The following DACH1 variants were observed in gnomAD, a reference collection of about 807,000 sequenced individuals.
DACH1 encodes the protein dachshund family transcription factor 1, also known as dachshund homolog 1.
DACH1 carries 12 observed loss-of-function variants against 54.2 expected under a neutral mutation model. The ratio of observed to expected loss-of-function variants is 0.22; its 90% CI spans 0.14 to 0.36. DACH1 has a LOEUF of 0.36. Ranked by LOEUF, DACH1 falls within the 10% of genes least tolerant of loss-of-function variation. The pLI, the probability that DACH1 is intolerant of heterozygous loss-of-function variation, is 1.00. For missense variants in DACH1, 805 were observed against 929.8 expected (o/e 0.87, Z 1.75); for synonymous variants, 386 against 366.2 (o/e 1.05, Z -0.62).
chr13:71,633,775 T>C (rs573802242), intron 2 of DACH1, among the ~76,000 whole-genome samples: 1 of 152,208 alleles, frequency 6.6e-6, no homozygotes, highest in South Asian at 2.1e-4. Flanking sequence ...GGGTTCTCAA[T>C]TCTAATTATT....
chr13:71,592,511 AAAAAAAGAAAAG>A (rs1873800638), intron 3 of DACH1, among the ~76,000 whole-genome samples: 6 of 149,510 alleles, frequency 4.0e-5, no homozygotes, highest in Non-Finnish European at 7.5e-5. Context: ...AAAAAAAAAA[AAAAAAAGAAAAG>A]AAAAAAAGAA....
intron 2 of DACH1, among the ~76,000 whole-genome samples, chr13:71,650,413 G>C (rs1878587861): frequency 6.6e-6 from 1 of 152,046 alleles, no homozygotes; most frequent in South Asian, 2.1e-4. Context: ...TCCTTACACT[G>C]TTTACTCTCA....
chr13:71,763,808 A>G (rs564685293), intron 1 of DACH1, among the ~76,000 whole-genome samples: 1 of 152,350 alleles, frequency 6.6e-6, no homozygotes, highest in Non-Finnish European at 1.5e-5. Context: ...TCAGCAGAAA[A>G]CACTGGTCAA....
chr13:71,819,687 G>A (rs916941385), intron 1 of DACH1, among the ~76,000 whole-genome samples: 1 of 152,034 alleles, frequency 6.6e-6, no homozygotes, highest in Non-Finnish European at 1.5e-5. Flanking sequence ...AGGTGTAAAG[G>A]CTCTGTTTCA....
At chr13:71,862,328 GAC>G in intron 1 of DACH1, among the ~76,000 whole-genome samples, 1 of 151,962 alleles carries the variant, frequency 6.6e-6, no homozygotes, top group East Asian at 1.9e-4. Context: ...ACAGAGATTT[GAC>G]CATGTACATA....
At chr13:71,668,102 G>A (rs539486723) in intron 2 of DACH1, among the ~76,000 whole-genome samples, 104 of 151,986 alleles carry the variant, frequency 6.8e-4, no homozygotes, top group African/African-American at 2.4e-3. Context: ...ATAGGAAAAC[G>A]AATAGGTCCA....
At chr13:71,555,598 C>A (rs1369545098) in intron 6 of DACH1, among the ~76,000 whole-genome samples, 5 of 152,050 alleles carry the variant, frequency 3.3e-5, no homozygotes, top group Non-Finnish European at 7.4e-5. Flanking sequence ...GCCTCAGCCT[C>A]CCAAAGTGCT....
intron 1 of DACH1, among the ~76,000 whole-genome samples, chr13:71,853,680 C>A (rs889259036): frequency 2.0e-5 from 3 of 152,088 alleles, no homozygotes; most frequent in African/African-American, 7.2e-5. Flanking sequence ...TTAATTAGTA[C>A]AAAAGAAAGA....
chr13:71,682,715 C>G (rs903350826), intron 1 of DACH1, among the ~76,000 whole-genome samples: 6 of 151,932 alleles, frequency 3.9e-5, no homozygotes, highest in Non-Finnish European at 8.8e-5. Flanking sequence ...CTCATATGTA[C>G]CTTTAGGATA....
intron 1 of DACH1, among the ~76,000 whole-genome samples, chr13:71,766,128 C>T (rs944261514): frequency 2.0e-4 from 31 of 151,992 alleles, no homozygotes; most frequent in Admixed American, 2.0e-4. Flanking sequence ...CCTCGTGATC[C>T]GTCCGCCTCG....
intron 1 of DACH1, among the ~76,000 whole-genome samples, chr13:71,708,857 T>G (rs1882572199): frequency 6.8e-6 from 1 of 146,398 alleles, no homozygotes; most frequent in Admixed American, 6.8e-5. Flanking sequence ...TTGTTGTTTT[T>G]TTTTTTTTTT....
At chr13:71,482,146 A>G (rs1331032) in intron 7 of DACH1, among the ~76,000 whole-genome samples, 141,536 of 152,182 alleles carry the variant, frequency 0.93, 66,704 homozygotes, top group East Asian at 1. Flanking sequence ...TCTGAGTGAG[A>G]CATAATGGTT....
chr13:71,636,219 C>T lies in DACH1; in HGVS notation c.965-5502G>A, dbSNP rs75536845. ...ATATTTCTGAAATGGACTAAGGAATCTGTGGTTTTGCATAAAAACACATTG... is the reference window on the plus strand; with the variant it reads ...ATATTTCTGAAATGGACTAAGGAATTTGTGGTTTTGCATAAAAACACATTG... On this transcript the variant is annotated intron_variant, in intron 2 of 10. Transcript: ENST00000613252. Among the ~76,000 whole-genome samples, 268 of 152,232 alleles carry T rather than the reference C, an allele frequency of 1.8e-3. 1 individual carries two copies. Among genetic ancestry groups the T allele is most frequent in the East Asian group, 0.014 (74 of 5,176 alleles).
intron 2 of DACH1, among the ~76,000 whole-genome samples, chr13:71,643,532 T>G (rs1291199334): frequency 6.6e-6 from 1 of 152,234 alleles, no homozygotes; most frequent in Non-Finnish European, 1.5e-5. Context: ...TCATTTCATG[T>G]GCAACCTCAT....
intron 10 of DACH1, among the ~76,000 whole-genome samples, chr13:71,446,287 A>C (rs75178337): frequency 1.3e-5 from 2 of 152,194 alleles, no homozygotes; most frequent in East Asian, 3.8e-4. Context: ...ACGCAGAAAA[A>C]ATATATTTCC....
At chr13:71,522,128 G>A (rs1881644226) in intron 6 of DACH1, among the ~76,000 whole-genome samples, 1 of 152,066 alleles carries the variant, frequency 6.6e-6, no homozygotes, top group Non-Finnish European at 1.5e-5. Context: ...TCAAAGAATT[G>A]TTTTTAGTAA....
rs76492871 is a variant in DACH1 at position 71,562,350 on chromosome 13, T to C, written c.1300-2395A>G. Among the ~76,000 whole-genome samples the C allele has an allele frequency of 4.2e-3, 634 of 151,880 alleles. 4 individuals carry two copies. Among genetic ancestry groups the C allele is most frequent in the Non-Finnish European group, 7.0e-3 (478 of 67,900 alleles). On this transcript the variant is annotated intron_variant, in intron 4 of 10. Coordinates refer to ENST00000613252, the MANE Select transcript of DACH1 (RefSeq NM_080759.6). The stretch of plus-strand genomic sequence containing the variant: ...GTTTCCACTTAAAATACTGCAAATA[T>C]GCAAATAAGTGGGAGGGAGAGAGAA...
chr13:71,439,857 G>A lies in DACH1; in HGVS notation c.*798C>T, dbSNP rs1163283334. The A allele has an allele frequency of 6.6e-6, 1 of 152,078 alleles. No individual in the cohort carries two copies. The highest frequency in any genetic ancestry group is 1.5e-5 in the Non-Finnish European group (1 of 67,878). The allele number at this position is 152,078 out of a possible 1,614,324, so 9.4% of individuals were successfully genotyped here. ...TTTTATGTTTATATACTGTACATAT[G>A]ACCAACAGTTTGAATAAGAAGCAAC... On this transcript the variant is annotated 3_prime_UTR_variant, in exon 11 of 11. Coordinates refer to ENST00000613252, the MANE Select transcript of DACH1 (RefSeq NM_080759.6).
chr13:71,498,610 A>G (rs1206997264), intron 6 of DACH1, among the ~76,000 whole-genome samples: 1 of 151,752 alleles, frequency 6.6e-6, no homozygotes, highest in African/African-American at 2.4e-5. Context: ...TTATTTAGAA[A>G]AAAGAAGAGA....
Sources: gnomAD v4.1 joint callset for allele counts (sites outside exome capture counted in the v4.1 genomes callset) on GRCh38, gnomAD v4.1.1 for gene constraint, MANE v1.5 for transcripts, NCBI Gene and HGNC (gene_info 2026-07-23, HGNC 2026-07-21) for gene names.